The following UBE2U variants were observed in gnomAD, a reference collection of about 807,000 sequenced individuals.
UBE2U encodes ubiquitin-conjugating enzyme E2 U.
In UBE2U, 39 loss-of-function variants were observed where a neutral mutation model predicts 41.2. The ratio of observed to expected loss-of-function variants is 0.95; its 90% CI spans 0.73 to 1.24. UBE2U has a LOEUF of 1.24. UBE2U is among the 50% of genes most tolerant of loss of function. UBE2U has a pLI of 0.00. For synonymous variants in UBE2U, 107 were observed against 117.8 expected (o/e 0.91, Z 0.60); for missense variants, 336 against 363.1 (o/e 0.93, Z 0.61).
chr1:64,236,292 T>C (rs1557726633), intron 7 of UBE2U, among the ~76,000 whole-genome samples: 1 of 152,216 alleles, frequency 6.6e-6, no homozygotes, highest in East Asian at 1.9e-4. Context: ...GAACCACATC[T>C]TCTCACTCCA....
intron 3 of UBE2U, among the ~76,000 whole-genome samples, chr1:64,208,243 G>A (rs555146912): frequency 1.8e-4 from 28 of 152,054 alleles, no homozygotes; most frequent in East Asian, 7.7e-4. Flanking sequence ...CTAAATTCCC[G>A]TAATACCATG....
chr1:64,260,598 T>C lies in UBE2U; in HGVS notation c.678-5T>C. ...GGGAATTTAGTTTTCTTTTTCTCTT[T>C]CTAGGTATTCCGTTATCAAGTGTTG... On this transcript the variant is annotated splice_region_variant and splice_polypyrimidine_tract_variant and intron_variant, in intron 8 of 9. Coordinates refer to ENST00000371077, the MANE Select transcript of UBE2U (RefSeq NM_001366232.2). The C allele has an allele frequency of 6.5e-7, 1 of 1,545,860 alleles. No individual in the cohort carries two copies. Among genetic ancestry groups the C allele is most frequent in the South Asian group, 1.2e-5 (1 of 83,248 alleles).
intron 2 of UBE2U, among the ~76,000 whole-genome samples, chr1:64,206,467 A>T (rs1469791879): frequency 6.6e-6 from 1 of 151,424 alleles, no homozygotes. Flanking sequence ...AGGGTGTAGC[A>T]GATTTTGGGA....
At chr1:64,215,692 T>C (rs1337963561) in intron 5 of UBE2U, among the ~76,000 whole-genome samples, 7 of 152,212 alleles carry the variant, frequency 4.6e-5, no homozygotes, top group Non-Finnish European at 1.0e-4. Flanking sequence ...TAAGAATCCA[T>C]GTGGAAATAG....
intron 3 of UBE2U, among the ~76,000 whole-genome samples, chr1:64,209,086 GT>G (rs202100403): frequency 2.0e-5 from 3 of 152,086 alleles, no homozygotes; most frequent in African/African-American, 4.8e-5. Flanking sequence ...GATTTTTTAT[GT>G]TTTTTTCCCA....
intron 9 of UBE2U, among the ~76,000 whole-genome samples, chr1:64,263,697 G>A (rs2100558417): frequency 6.6e-6 from 1 of 152,308 alleles, no homozygotes; most frequent in African/African-American, 2.4e-5. Flanking sequence ...GAGAAGGATG[G>A]CATGTCATAG....
chr1:64,242,750 T>C (rs531485466), intron 8 of UBE2U, among the ~76,000 whole-genome samples: 1 of 152,342 alleles, frequency 6.6e-6, no homozygotes, highest in East Asian at 1.9e-4. Flanking sequence ...TGATATACTT[T>C]TCTGCTTTCA....
chr1:64,204,004 A>G lies in UBE2U; in HGVS notation c.-47A>G, dbSNP rs750669426. On this transcript the variant is annotated 5_prime_UTR_variant, in exon 1 of 10. Coordinates refer to ENST00000371077, the MANE Select transcript of UBE2U (RefSeq NM_001366232.2). Reference sequence around the variant, plus strand: ...TAACTTCAAACATCTGCCTCAGAGTAAACCTGAGGCATTTGGGGACAAGTG... The same window carrying G: ...TAACTTCAAACATCTGCCTCAGAGTGAACCTGAGGCATTTGGGGACAAGTG... The G allele has an allele frequency of 6.4e-7, 1 of 1,566,304 alleles. No individual in the cohort carries two copies. The highest frequency in any genetic ancestry group is 8.8e-7 in the Non-Finnish European group (1 of 1,140,804).
chr1:64,260,741 A>G (rs1256887667), intron 9 of UBE2U, 47 bp downstream of exon 9: 11 of 1,395,206 alleles, frequency 7.9e-6, no homozygotes, highest in Non-Finnish European at 1.1e-5. Flanking sequence ...ATAACATATT[A>G]TGCATAATAT....
At chr1:64,204,198 T>C in intron 1 of UBE2U, 82 bp downstream of exon 1, 1 of 1,325,150 alleles carries the variant, frequency 7.5e-7, no homozygotes, top group Non-Finnish European at 1.1e-6. Flanking sequence ...ATTCTATAAG[T>C]AGTAATTTAG....
intron 6 of UBE2U, among the ~76,000 whole-genome samples, chr1:64,230,585 G>A (rs1165748958): frequency 6.6e-6 from 1 of 151,452 alleles, no homozygotes; most frequent in Non-Finnish European, 1.5e-5. Flanking sequence ...TTGGCCTACA[G>A]TGCCCCCTTA....
intron 6 of UBE2U, among the ~76,000 whole-genome samples, chr1:64,226,126 C>G (rs149232839): frequency 6.6e-6 from 1 of 152,224 alleles, no homozygotes; most frequent in African/African-American, 2.4e-5. Flanking sequence ...TGTCCATCAA[C>G]AGTTGAATGC....
chr1:64,253,612 C>T (rs997263744), intron 8 of UBE2U, among the ~76,000 whole-genome samples: 4 of 152,160 alleles, frequency 2.6e-5, no homozygotes, highest in South Asian at 4.1e-4. Flanking sequence ...CAATATTCAA[C>T]ATTTTTAAAG....
chr1:64,241,773 G>T (rs779497230), intron 8 of UBE2U, 40 bp downstream of exon 8: 15 of 1,475,790 alleles, frequency 1.0e-5, no homozygotes, highest in African/African-American at 1.4e-5. Flanking sequence ...ACATTAACTT[G>T]AATTGTCTAT....
chr1:64,236,607 T>C (rs75972352), intron 7 of UBE2U, among the ~76,000 whole-genome samples: 2,719 of 152,242 alleles, frequency 0.018, 36 homozygotes, highest in Non-Finnish European at 0.027. Context: ...AATGTTTATG[T>C]TAGAGGAAAA....
At chr1:64,239,095 A>AGAG (rs1491587912) in intron 7 of UBE2U, among the ~76,000 whole-genome samples, 1,821 of 12,062 alleles carry the variant, frequency 0.15, 97 homozygotes, top group Middle Eastern at 0.27. Flanking sequence ...AGGAAGAGGA[A>AGAG]GAAGAAGAAG....
chr1:64,207,735 A>G (rs754579152), intron 3 of UBE2U, among the ~76,000 whole-genome samples: 3 of 152,202 alleles, frequency 2.0e-5, no homozygotes, highest in Non-Finnish European at 4.4e-5. Flanking sequence ...TAGAATTTTT[A>G]TGGGCTTGGT....
In UBE2U at chr1:64,267,115, A is replaced by T. The variant is rs768854355; in HGVS notation, c.861A>T (p.Leu287Phe). ...AGGGGTGGAAGAGTGACACTTCATTATATGAAAATGACACAGATGAGCCCA... is the reference window on the plus strand; with the variant it reads ...AGGGGTGGAAGAGTGACACTTCATTTTATGAAAATGACACAGATGAGCCCA... ...EEEGWKSDTS[L>F]YENDTDEPRE... The change falls in exon 10 of 10, where the codon TTA becomes TTT. Residue 287 changes from leucine (L) to phenylalanine (F), a missense_variant. By Grantham distance (22) the Leu-to-Phe change is conservative (BLOSUM62 0). Coordinates refer to ENST00000371077, the MANE Select transcript of UBE2U (RefSeq NM_001366232.2). 34 of 1,550,406 alleles carry T rather than the reference A, an allele frequency of 2.2e-5. No individual in the cohort carries two copies. Among genetic ancestry groups the T allele is most frequent in the Non-Finnish European group, 3.0e-5 (34 of 1,146,954 alleles).
chr1:64,208,359 T>A (rs1651435640), intron 3 of UBE2U, among the ~76,000 whole-genome samples: 1 of 152,100 alleles, frequency 6.6e-6, no homozygotes, highest in Non-Finnish European at 1.5e-5. Flanking sequence ...GTTATCCCAG[T>A]ACTTTGGGTG....
Sources: gnomAD v4.1 joint callset for allele counts (sites outside exome capture counted in the v4.1 genomes callset) on GRCh38, gnomAD v4.1.1 for gene constraint, MANE v1.5 for transcripts, NCBI Gene and HGNC (gene_info 2026-07-23, HGNC 2026-07-21) for gene names.